The following ZPBP variants were observed in gnomAD, a reference collection of about 807,000 sequenced individuals.
ZPBP encodes the protein zona pellucida binding protein.
In ZPBP, 26 loss-of-function variants were observed where a neutral mutation model predicts 44.8. The ratio of observed to expected loss-of-function variants is 0.58; its 90% CI spans 0.43 to 0.81. The LOEUF (loss-of-function observed/expected upper bound fraction) is 0.81. Ranked by LOEUF, ZPBP falls within the 30% of genes least tolerant of loss-of-function variation. The probability of loss-of-function intolerance (pLI) is 0.00; values close to 1 mark genes in which losing one functional copy is unlikely to be tolerated. For missense variants in ZPBP, 409 were observed against 434.0 expected (o/e 0.94, Z 0.51); for synonymous variants, 174 against 153.2 (o/e 1.14, Z -1.00).
intron 6 of ZPBP, among the ~76,000 whole-genome samples, chr7:49,991,634 A>T (rs1797574854): frequency 6.6e-6 from 1 of 152,160 alleles, no homozygotes; most frequent in Non-Finnish European, 1.5e-5. Flanking sequence ...TTCAAAAGAA[A>T]GATTAAAGAC....
intron 1 of ZPBP, chr7:49,913,601 A>G (rs969313757): frequency 2.0e-5 from 3 of 152,176 alleles, no homozygotes; most frequent in Non-Finnish European, 2.9e-5. Context: ...AGTACAAAGC[A>G]TTGACAACAA....
At chr7:49,974,545 T>C (rs1376323301) in intron 7 of ZPBP, among the ~76,000 whole-genome samples, 1 of 152,082 alleles carries the variant, frequency 6.6e-6, no homozygotes, top group Non-Finnish European at 1.5e-5. Flanking sequence ...AGGAATACAA[T>C]ATTCATAAAT....
At chr7:49,908,726 A>C (rs1793239331) in intron 1 of ZPBP, among the ~76,000 whole-genome samples, 1 of 152,196 alleles carries the variant, frequency 6.6e-6, no homozygotes, top group Non-Finnish European at 1.5e-5. Context: ...GATCAGCTGA[A>C]GATATCTTCT....
chr7:50,022,410 G>A (rs1708088722), intron 5 of ZPBP, among the ~76,000 whole-genome samples: 1 of 151,940 alleles, frequency 6.6e-6, no homozygotes, highest in African/African-American at 2.4e-5. Flanking sequence ...CAGGAGCAGA[G>A]TTTTGGAATA....
chr7:49,969,818 TAGAGAGAG>T (rs34673727), intron 7 of ZPBP, among the ~76,000 whole-genome samples: 2 of 123,402 alleles, frequency 1.6e-5, no homozygotes, highest in African/African-American at 5.7e-5. Context: ...TATATATATA[TAGAGAGAG>T]AGAGAGAGAG....
At chr7:50,034,755 C>T (rs1799753194) in intron 4 of ZPBP, among the ~76,000 whole-genome samples, 1 of 152,140 alleles carries the variant, frequency 6.6e-6, no homozygotes, top group Non-Finnish European at 1.5e-5. Flanking sequence ...GATATGGAAT[C>T]CAAATTTGTT....
chr7:49,990,054 A>G (rs1319915519), intron 6 of ZPBP, among the ~76,000 whole-genome samples: 1 of 152,172 alleles, frequency 6.6e-6, no homozygotes, highest in Non-Finnish European at 1.5e-5. Flanking sequence ...TTTTTGTCCC[A>G]AATTCAATTC....
At chr7:49,854,144 T>G (rs1298583756) in intron 2 of ZPBP, among the ~76,000 whole-genome samples, 9 of 152,156 alleles carry the variant, frequency 5.9e-5, no homozygotes, top group Non-Finnish European at 1.0e-4. Context: ...TTCCAAGTCT[T>G]TGCTATTGTG....
intron 3 of ZPBP, among the ~76,000 whole-genome samples, chr7:50,078,056 G>T (rs888292264): frequency 1.3e-5 from 2 of 151,808 alleles, no homozygotes; most frequent in Non-Finnish European, 3.0e-5. Context: ...GTACTGTTCA[G>T]CCATAAAAAG....
intron 1 of ZPBP, among the ~76,000 whole-genome samples, chr7:49,903,004 A>AAC (rs1270670673): frequency 3.3e-5 from 5 of 152,162 alleles, no homozygotes; most frequent in Non-Finnish European, 7.4e-5. Flanking sequence ...ATGGCAAATA[A>AAC]ACACATGAAA....
chr7:50,051,274 C>G (rs1800679571), intron 4 of ZPBP, among the ~76,000 whole-genome samples: 1 of 152,046 alleles, frequency 6.6e-6, no homozygotes, highest in Non-Finnish European at 1.5e-5. Flanking sequence ...ATTAAAAGGT[C>G]AAGAAATAAC....
intron 1 of ZPBP, among the ~76,000 whole-genome samples, chr7:49,931,872 C>T (rs951188402): frequency 6.6e-6 from 1 of 152,256 alleles, no homozygotes; most frequent in Non-Finnish European, 1.5e-5. Context: ...AGCCTAGGGC[C>T]ATGGTGCCCT....
intron 7 of ZPBP, among the ~76,000 whole-genome samples, chr7:49,960,321 T>C (rs991503906): frequency 6.6e-6 from 1 of 151,946 alleles, no homozygotes; most frequent in Non-Finnish European, 1.5e-5. Flanking sequence ...CTCGAGAGGC[T>C]GAGGCAAGAG....
intron 2 of ZPBP, among the ~76,000 whole-genome samples, chr7:49,893,547 T>C (rs901374627): frequency 1.3e-5 from 2 of 152,192 alleles, no homozygotes; most frequent in African/African-American, 2.4e-5. Flanking sequence ...AAAACACACA[T>C]GTCCACATGA....
chr7:49,988,812 C>G (rs935415047), intron 6 of ZPBP, among the ~76,000 whole-genome samples: 1 of 152,140 alleles, frequency 6.6e-6, no homozygotes, highest in African/African-American at 2.4e-5. Flanking sequence ...AAATATCAAG[C>G]AAAACAAGAG....
intron 7 of ZPBP, among the ~76,000 whole-genome samples, chr7:49,946,585 T>C (rs920767126): frequency 1.3e-5 from 2 of 152,140 alleles, no homozygotes; most frequent in African/African-American, 2.4e-5. Context: ...TGGAGCTCCA[T>C]TGTATGTTGT....
chr7:49,880,887 G>A (rs915421892), intron 2 of ZPBP, among the ~76,000 whole-genome samples: 2 of 152,140 alleles, frequency 1.3e-5, no homozygotes, highest in Admixed American at 1.3e-4. Context: ...TAGGATTAAA[G>A]GTTCTCTTAC....
At chr7:49,877,481 A>AAAAAAAATACATATATATATATATATAT in intron 2 of ZPBP, among the ~76,000 whole-genome samples, 2 of 12,722 alleles carry the variant, frequency 1.6e-4, no homozygotes, top group Admixed American at 1.4e-3. Context: ...AAAAAAAAAA[A>AAAAAAAATACATATATATATATATATAT]ATATATATAT....
At chr7:50,015,264 CTT>C (rs1195559423) in intron 6 of ZPBP, among the ~76,000 whole-genome samples, 9 of 151,948 alleles carry the variant, frequency 5.9e-5, no homozygotes, top group Non-Finnish European at 1.2e-4. Context: ...AACAAATTAA[CTT>C]AATGAAACTA....
Sources: gnomAD v4.1 joint callset for allele counts (sites outside exome capture counted in the v4.1 genomes callset) on GRCh38, gnomAD v4.1.1 for gene constraint, MANE v1.5 for transcripts, NCBI Gene and HGNC (gene_info 2026-07-23, HGNC 2026-07-21) for gene names.